The following MLLT3 variants were observed in gnomAD, a reference collection of about 807,000 sequenced individuals.
The protein encoded by MLLT3 is protein AF-9.
Under a neutral mutation model 53.2 loss-of-function variants are expected in MLLT3, and 4 were observed. That is an observed-to-expected ratio of 0.08 (90% confidence interval 0.04 to 0.17). The LOEUF is 0.17. Ranked by LOEUF, MLLT3 falls within the 10% of genes least tolerant of loss-of-function variation. The probability of loss-of-function intolerance (pLI) is 1.00; values close to 1 mark genes in which losing one functional copy is unlikely to be tolerated. For missense variants in MLLT3, 569 were observed against 684.0 expected (o/e 0.83, Z 1.87); for synonymous variants, 283 against 230.6 (o/e 1.23, Z -2.06).
chr9:20,389,912 TTTC>T (rs2118718066), intron 5 of MLLT3, among the ~76,000 whole-genome samples: 1 of 152,364 alleles, frequency 6.6e-6, no homozygotes, highest in East Asian at 1.9e-4. Flanking sequence ...AATTTTTTCT[TTTC>T]TTATTTTGTC....
chr9:20,522,867 A>G (rs1051057639), intron 2 of MLLT3, among the ~76,000 whole-genome samples: 11 of 152,170 alleles, frequency 7.2e-5, no homozygotes, highest in Non-Finnish European at 1.5e-4. Flanking sequence ...AGGCTGAGAT[A>G]GGAGAATCAT....
chr9:20,444,955 G>T (rs889021165), intron 4 of MLLT3, among the ~76,000 whole-genome samples: 10 of 151,506 alleles, frequency 6.6e-5, no homozygotes, highest in African/African-American at 2.2e-4. Context: ...AGTAAATGTG[G>T]TGGCGTGCAT....
intron 2 of MLLT3, among the ~76,000 whole-genome samples, chr9:20,457,416 A>G (rs1289479650): frequency 6.6e-6 from 1 of 151,080 alleles, no homozygotes; most frequent in East Asian, 1.9e-4. Flanking sequence ...CACCAGGCTA[A>G]TTTTGTATTT....
intron 2 of MLLT3, among the ~76,000 whole-genome samples, chr9:20,539,959 G>A (rs1818584464): frequency 6.6e-6 from 1 of 152,142 alleles, no homozygotes. Flanking sequence ...CAGGCATTGG[G>A]TAAATGCTCC....
intron 2 of MLLT3, among the ~76,000 whole-genome samples, chr9:20,548,190 C>G (rs973703435): frequency 6.6e-6 from 1 of 152,202 alleles, no homozygotes; most frequent in East Asian, 1.9e-4. Context: ...ATTCTCTAAT[C>G]TAACCACATT....
intron 2 of MLLT3, among the ~76,000 whole-genome samples, chr9:20,549,353 ATC>A (rs1350753064): frequency 6.6e-6 from 1 of 152,148 alleles, no homozygotes; most frequent in Non-Finnish European, 1.5e-5. Context: ...GTTGGTAACA[ATC>A]TCTGTTACCA....
chr9:20,346,244 C>T lies in MLLT3; in HGVS notation c.*199G>A. ...GTCCGCTGAGGCTGGTTTGCTTTAA[C>T]CTCTCCTTTATCAAGAGATGATGAC... On this transcript the variant is annotated 3_prime_UTR_variant, in exon 11 of 11. Coordinates refer to ENST00000380338, the MANE Select transcript of MLLT3 (RefSeq NM_004529.4). 3.7e-6 allele frequency: 2 copies of T among 547,614 alleles called. No homozygotes were observed. Among genetic ancestry groups the T allele is most frequent in the South Asian group, 2.7e-5 (1 of 37,176 alleles). The allele number at this position is 547,614 out of a possible 1,614,324, so 33.9% of individuals were successfully genotyped here. A position where few individuals can be genotyped will look rare whatever the true frequency, so the allele number is the denominator to read the frequency against.
At chr9:20,547,644 CAAAAAAAAA>C (rs71334534) in intron 2 of MLLT3, among the ~76,000 whole-genome samples, 35,865 of 122,890 alleles carry the variant, frequency 0.29, 4,767 homozygotes, top group African/African-American at 0.4. Flanking sequence ...AACTCCATCT[CAAAAAAAAA>C]AAAAAAAAAG....
intron 2 of MLLT3, among the ~76,000 whole-genome samples, chr9:20,615,873 TGAAAAA>T (rs748229108): frequency 1.6e-5 from 1 of 63,844 alleles, no homozygotes; most frequent in Non-Finnish European, 3.6e-5. Flanking sequence ...CAAAGAGATT[TGAAAAA>T]AAAAAAAAAA....
chr9:20,378,264 G>A (rs1022633280), intron 5 of MLLT3, among the ~76,000 whole-genome samples: 2 of 151,994 alleles, frequency 1.3e-5, no homozygotes, highest in African/African-American at 4.8e-5. Flanking sequence ...GGAGAGATGA[G>A]TTGTAATACC....
At chr9:20,393,265 C>T (rs1033398725) in intron 5 of MLLT3, among the ~76,000 whole-genome samples, 3 of 152,168 alleles carry the variant, frequency 2.0e-5, no homozygotes, top group African/African-American at 7.2e-5. Flanking sequence ...GACCTAGTGA[C>T]AGCCACAGTC....
At chr9:20,480,681 T>A (rs1488033086) in intron 2 of MLLT3, among the ~76,000 whole-genome samples, 1 of 152,202 alleles carries the variant, frequency 6.6e-6, no homozygotes, top group Non-Finnish European at 1.5e-5. Flanking sequence ...AATGGGATCA[T>A]GAAGACAATC....
chr9:20,469,724 G>GAAAAAA (rs35047538), intron 2 of MLLT3, among the ~76,000 whole-genome samples: 1 of 137,856 alleles, frequency 7.3e-6, no homozygotes, highest in Non-Finnish European at 1.6e-5. Context: ...GTGCAATCAG[G>GAAAAAA]AAAAAAAAAA....
intron 5 of MLLT3, among the ~76,000 whole-genome samples, chr9:20,406,338 T>C (rs999737382): frequency 2.0e-5 from 3 of 152,124 alleles, no homozygotes; most frequent in African/African-American, 7.2e-5. Context: ...AATTCTAACT[T>C]TGTACTATCT....
chr9:20,579,299 G>C (rs780620191), intron 2 of MLLT3, among the ~76,000 whole-genome samples: 6 of 152,112 alleles, frequency 3.9e-5, no homozygotes, highest in African/African-American at 4.8e-5. Context: ...GAGCACAGGA[G>C]TCAAAGGCTG....
intron 5 of MLLT3, among the ~76,000 whole-genome samples, chr9:20,373,519 G>GT (rs1349641664): frequency 1.3e-5 from 2 of 152,192 alleles, no homozygotes; most frequent in East Asian, 3.9e-4. Flanking sequence ...TCCTCTTTAG[G>GT]TAACAGATGT....
intron 8 of MLLT3, 125 bp downstream of exon 8, chr9:20,360,617 C>T (rs768469520): frequency 4.2e-5 from 31 of 746,132 alleles, no homozygotes; most frequent in Non-Finnish European, 4.2e-5. Context: ...TGTGGCCTCC[C>T]TCCCATCTAT....
At chr9:20,601,000 TAAA>T (rs752355434) in intron 2 of MLLT3, among the ~76,000 whole-genome samples, 1 of 150,642 alleles carries the variant, frequency 6.6e-6, no homozygotes, top group Non-Finnish European at 1.5e-5. Flanking sequence ...TTTCTTTAAA[TAAA>T]AAAAAAGTGT....
chr9:20,419,919 A>G lies in MLLT3; in HGVS notation c.421-5494T>C, dbSNP rs192212134. 3.9e-3 allele frequency among the ~76,000 whole-genome samples: 591 copies of G among 152,350 alleles called. 5 individuals carry two copies. Among genetic ancestry groups the G allele is most frequent in the African/African-American group, 0.013 (558 of 41,586 alleles). ...ATCTAAATGAAAAAAAAACTGTAAT[A>G]TAAGTCCTCAACATGAATTCCTGAC... On this transcript the variant is annotated intron_variant, in intron 4 of 10. Transcript: ENST00000380338.
Sources: gnomAD v4.1 joint callset for allele counts (sites outside exome capture counted in the v4.1 genomes callset) on GRCh38, gnomAD v4.1.1 for gene constraint, MANE v1.5 for transcripts, NCBI Gene and HGNC (gene_info 2026-07-23, HGNC 2026-07-21) for gene names.